LINGO2: variants seen among roughly 807,000 people sequenced by gnomAD.
The protein encoded by LINGO2 is leucine-rich repeat and immunoglobulin-like domain-containing nogo receptor-interacting protein 2.
LINGO2 carries 14 observed loss-of-function variants against 30.6 expected under a neutral mutation model. That is an observed-to-expected ratio of 0.46 (90% CI 0.30 to 0.72). The LOEUF is 0.72. LINGO2 is among the 30% of genes least tolerant of loss of function. The pLI, the probability that LINGO2 is intolerant of heterozygous loss-of-function variation, is 0.07. For synonymous variants in LINGO2, 317 were observed against 288.5 expected (o/e 1.10, Z -1.00); for missense variants, 729 against 751.7 (o/e 0.97, Z 0.35).
the LINGO2 span, among the ~76,000 whole-genome samples, chr9:29,178,469 T>C: frequency 6.6e-6 from 1 of 152,118 alleles, no homozygotes; most frequent in African/African-American, 2.4e-5. Flanking sequence ...ACCAATAACA[T>C]GTTATCATTG....
chr9:28,513,120 C>T (rs1230977199), intron 1 of LINGO2, among the ~76,000 whole-genome samples: 3 of 112,476 alleles, frequency 2.7e-5, no homozygotes, highest in African/African-American at 8.6e-5. Flanking sequence ...CACACACACA[C>T]ACACACTTAG....
At chr9:28,476,704 A>T (rs1037258495) in intron 1 of LINGO2, among the ~76,000 whole-genome samples, 2 of 152,088 alleles carry the variant, frequency 1.3e-5, no homozygotes, top group African/African-American at 4.8e-5. Flanking sequence ...TGAAGAGAAA[A>T]CAGACCGGAA....
At chr9:28,910,917 A>G in the LINGO2 span, among the ~76,000 whole-genome samples, 2 of 152,098 alleles carry the variant, frequency 1.3e-5, no homozygotes, top group African/African-American at 4.8e-5. Context: ...TGAAAAATGG[A>G]TATTAATAGG....
At chr9:28,053,866 C>A (rs576927702) in intron 4 of LINGO2, among the ~76,000 whole-genome samples, 1 of 152,160 alleles carries the variant, frequency 6.6e-6, no homozygotes, top group East Asian at 1.9e-4. Flanking sequence ...GGGAACACAG[C>A]TCCTGCTTTG....
intron 4 of LINGO2, among the ~76,000 whole-genome samples, chr9:28,013,372 G>A (rs1055837336): frequency 6.6e-6 from 1 of 152,170 alleles, no homozygotes; most frequent in Non-Finnish European, 1.5e-5. Flanking sequence ...TGAGAAAGAA[G>A]CCCCAAGGTA....
the LINGO2 span, among the ~76,000 whole-genome samples, chr9:28,747,119 C>A: frequency 6.6e-6 from 1 of 151,942 alleles, no homozygotes; most frequent in Non-Finnish European, 1.5e-5. Flanking sequence ...CCACACCCCC[C>A]TATCCTGTAC....
At chr9:28,691,277 A>G in the LINGO2 span, among the ~76,000 whole-genome samples, 2 of 152,210 alleles carry the variant, frequency 1.3e-5, no homozygotes, top group African/African-American at 2.4e-5. Flanking sequence ...AATTCTTAAC[A>G]TCCTCAAATC....
intron 4 of LINGO2, among the ~76,000 whole-genome samples, chr9:28,120,630 GT>G (rs1827067773): frequency 6.6e-6 from 1 of 152,104 alleles, no homozygotes; most frequent in East Asian, 1.9e-4. Flanking sequence ...TATCAGTTTG[GT>G]TTTTACTTGA....
Position 28,449,032 on chromosome 9 carries a change from C to CGTGTGTGTGTGTGT in LINGO2, c.-279+26894_-279+26907dup, listed in dbSNP as rs140779747. Among the ~76,000 whole-genome samples, 21 of 137,990 alleles carry CGTGTGTGTGTGTGT rather than the reference C, an allele frequency of 1.5e-4. No homozygotes were observed. The Middle Eastern group carries it at 0.011, about 75-fold the overall frequency. The allele number at this position is 137,990 out of a possible 152,430, so 90.5% of individuals were successfully genotyped here. On this transcript the variant is annotated intron_variant, in intron 2 of 5. Transcript: ENST00000379992. ...TCCATTCTGCCTATGTATTCACATTCGTGTGTGTGTGTGTGTGTGTGTGTG... is the reference window on the plus strand; with the variant it reads ...TCCATTCTGCCTATGTATTCACATTCGTGTGTGTGTGTGTGTGTGTGTGTGTGTGTGTGTGTGTG...
the LINGO2 span, among the ~76,000 whole-genome samples, chr9:29,024,976 A>T: frequency 6.6e-6 from 1 of 152,166 alleles, no homozygotes; most frequent in Non-Finnish European, 1.5e-5. Context: ...ACGATGGCTT[A>T]TATTGTTTAT....
chr9:28,376,231 G>T (rs1739327768), intron 2 of LINGO2, among the ~76,000 whole-genome samples: 1 of 151,844 alleles, frequency 6.6e-6, no homozygotes, highest in African/African-American at 2.4e-5. Flanking sequence ...CTGAGGATGG[G>T]AGAATTTTAG....
chr9:28,877,101 T>C, the LINGO2 span, among the ~76,000 whole-genome samples: 1 of 103,032 alleles, frequency 9.7e-6, no homozygotes, highest in Middle Eastern at 5.0e-3. Context: ...TGGGGTTGTG[T>C]TTTTTTTTTT....
At chr9:29,076,630 TAA>T in the LINGO2 span, among the ~76,000 whole-genome samples, 7 of 132,056 alleles carry the variant, frequency 5.3e-5, no homozygotes, top group Non-Finnish European at 8.1e-5. Context: ...AATAAATAAA[TAA>T]ATATATATAT....
At chr9:28,653,530 T>G (rs1275445490) in intron 1 of LINGO2, among the ~76,000 whole-genome samples, 1 of 152,098 alleles carries the variant, frequency 6.6e-6, no homozygotes, top group African/African-American at 2.4e-5. Flanking sequence ...GATACAAAAA[T>G]TTAATCAACC....
intron 2 of LINGO2, among the ~76,000 whole-genome samples, chr9:28,430,909 G>A (rs1007535007): frequency 7.2e-5 from 11 of 152,074 alleles, no homozygotes; most frequent in African/African-American, 2.7e-4. Context: ...ACCTGTGGTT[G>A]CTGTCAAGCC....
At chr9:29,135,141 A>C in the LINGO2 span, among the ~76,000 whole-genome samples, 1 of 151,928 alleles carries the variant, frequency 6.6e-6, no homozygotes, top group African/African-American at 2.4e-5. Context: ...ATATGTACAT[A>C]GACATAATTT....
chr9:28,504,132 G>GA (rs1462379703), intron 1 of LINGO2, among the ~76,000 whole-genome samples: 1 of 151,538 alleles, frequency 6.6e-6, no homozygotes, highest in Non-Finnish European at 1.5e-5. Flanking sequence ...TTTTTCTTGG[G>GA]AAAAAACAAA....
chr9:28,523,124 C>A (rs532738890), intron 1 of LINGO2, among the ~76,000 whole-genome samples: 1 of 151,406 alleles, frequency 6.6e-6, no homozygotes, highest in East Asian at 1.9e-4. Flanking sequence ...AAAATAAATT[C>A]AATAAATTTA....
the LINGO2 span, among the ~76,000 whole-genome samples, chr9:28,901,879 A>G: frequency 6.6e-6 from 1 of 152,086 alleles, no homozygotes; most frequent in Non-Finnish European, 1.5e-5. Context: ...TTATAAATGG[A>G]TTAAATTCTT....
Sources: allele counts gnomAD v4.1 joint callset (sites outside exome capture counted in the v4.1 genomes callset), GRCh38; gene constraint gnomAD v4.1.1; transcripts MANE v1.5; gene names NCBI Gene and HGNC (gene_info 2026-07-23, HGNC 2026-07-21).